Variants in CNTN4 observed in about 807,000 individuals in gnomAD.
CNTN4 encodes the protein contactin-4.
Under a neutral mutation model 122.5 loss-of-function variants are expected in CNTN4, and 77 were observed. The ratio of observed to expected loss-of-function variants is 0.63; its 90% CI spans 0.52 to 0.76. The LOEUF is 0.76. Ranked by LOEUF, CNTN4 falls within the 30% of genes least tolerant of loss-of-function variation. The probability of loss-of-function intolerance (pLI) is 0.00; values close to 1 mark genes in which losing one functional copy is unlikely to be tolerated. For synonymous variants in CNTN4, 512 were observed against 447.0 expected (o/e 1.15, Z -1.83); for missense variants, 1,256 against 1,259.1 (o/e 1.00, Z 0.04).
At chr3:2,435,092 G>C (rs1434142835) in intron 3 of CNTN4, among the ~76,000 whole-genome samples, 1 of 152,122 alleles carries the variant, frequency 6.6e-6, no homozygotes, top group African/African-American at 2.4e-5. Context: ...AAGTCAAAGA[G>C]CTTAATACTA....
chr3:2,188,843 G>A (rs1228333478), intron 2 of CNTN4, among the ~76,000 whole-genome samples: 1 of 152,122 alleles, frequency 6.6e-6, no homozygotes, highest in African/African-American at 2.4e-5. Context: ...AGACTCTGTT[G>A]GGGAACAGCT....
intron 2 of CNTN4, among the ~76,000 whole-genome samples, chr3:2,140,492 C>A (rs563341719): frequency 6.6e-6 from 1 of 152,176 alleles, no homozygotes; most frequent in African/African-American, 2.4e-5. Flanking sequence ...TTGGTGAGGG[C>A]CCACTTCCTG....
At chr3:2,438,245 C>T (rs376234548) in intron 3 of CNTN4, among the ~76,000 whole-genome samples, 17 of 152,150 alleles carry the variant, frequency 1.1e-4, no homozygotes, top group African/African-American at 4.1e-4. Context: ...TTTGGCTGGG[C>T]ACGGTTGCTC....
intron 5 of CNTN4, among the ~76,000 whole-genome samples, chr3:2,745,281 A>G (rs943305600): frequency 6.6e-6 from 1 of 152,182 alleles, no homozygotes; most frequent in Non-Finnish European, 1.5e-5. Flanking sequence ...AGTCAGAAGA[A>G]CATTTTAATG....
intron 3 of CNTN4, among the ~76,000 whole-genome samples, chr3:2,562,923 C>A (rs899605826): frequency 6.6e-6 from 1 of 151,770 alleles, no homozygotes; most frequent in Non-Finnish European, 1.5e-5. Context: ...AGATGGTATC[C>A]CCCTGTGTTG....
rs192405502 is a variant in CNTN4, at chr3:2,145,052, G to A, written c.-145+44413G>A. Among the ~76,000 whole-genome samples, 224 of 152,300 alleles carry A rather than the reference G, an allele frequency of 1.5e-3. 2 individuals are homozygous for A. Among genetic ancestry groups the A allele is most frequent in the African/African-American group, 5.0e-3 (207 of 41,572 alleles). ...TCTCAACAGAGTAGATGTTCAGGTG[G>A]AGGTTATCTCTGGTGCTCTGGGCTT... is the stretch of plus-strand genomic sequence containing the variant. On this transcript the variant is annotated intron_variant, in intron 2 of 24. Transcript: ENST00000418658.
At chr3:2,175,410 G>A (rs1310796287) in intron 2 of CNTN4, among the ~76,000 whole-genome samples, 2 of 152,144 alleles carry the variant, frequency 1.3e-5, no homozygotes, top group African/African-American at 2.4e-5. Flanking sequence ...AAAAAAGTCT[G>A]AGAAATTCTG....
chr3:2,282,300 A>G (rs1399709697), intron 2 of CNTN4, among the ~76,000 whole-genome samples: 1 of 152,058 alleles, frequency 6.6e-6, no homozygotes, highest in Non-Finnish European at 1.5e-5. Flanking sequence ...GATTGGTCGT[A>G]GTTCCATTTT....
intron 6 of CNTN4, among the ~76,000 whole-genome samples, chr3:2,819,063 C>T (rs959740437): frequency 3.3e-5 from 5 of 152,258 alleles, no homozygotes; most frequent in East Asian, 1.9e-4. Context: ...GGGCAGGTCA[C>T]TTAACATCTT....
chr3:2,260,688 TTTAAG>T (rs1275522596), intron 2 of CNTN4, among the ~76,000 whole-genome samples: 1 of 151,688 alleles, frequency 6.6e-6, no homozygotes, highest in Non-Finnish European at 1.5e-5. Context: ...CCATTACAGA[TTTAAG>T]TTTTCTTTTC....
intron 4 of CNTN4, among the ~76,000 whole-genome samples, chr3:2,638,723 C>T (rs2082772966): frequency 6.6e-6 from 1 of 152,148 alleles, no homozygotes; most frequent in Non-Finnish European, 1.5e-5. Context: ...GACCTGACCT[C>T]CTCTTTTTCT....
At chr3:2,929,200 C>G (rs1211141981) in intron 13 of CNTN4, among the ~76,000 whole-genome samples, 2 of 152,162 alleles carry the variant, frequency 1.3e-5, no homozygotes, top group African/African-American at 2.4e-5. Context: ...TCACACAGCT[C>G]AAGAGCTTTA....
chr3:2,620,786 C>T (rs938151108), intron 4 of CNTN4, among the ~76,000 whole-genome samples: 2 of 152,138 alleles, frequency 1.3e-5, no homozygotes, highest in Admixed American at 1.3e-4. Flanking sequence ...TACAGCCCCC[C>T]TCCTGTGTAA....
chr3:2,111,231 G>A (rs1215659563), intron 2 of CNTN4, among the ~76,000 whole-genome samples: 1 of 152,124 alleles, frequency 6.6e-6, no homozygotes, highest in African/African-American at 2.4e-5. Flanking sequence ...AGTTCATTGA[G>A]AATTCATAGT....
intron 2 of CNTN4, among the ~76,000 whole-genome samples, chr3:2,248,829 C>T (rs6805903): frequency 0.081 from 12,254 of 151,878 alleles, 802 homozygotes; most frequent in African/African-American, 0.18. Context: ...TGTTTATATT[C>T]GTGTGGGCTT....
chr3:2,585,134 T>C (rs929589625), intron 4 of CNTN4, among the ~76,000 whole-genome samples: 4 of 152,192 alleles, frequency 2.6e-5, no homozygotes, highest in Non-Finnish European at 5.9e-5. Context: ...GACTTAAAAG[T>C]CCTAAGCAAA....
intron 3 of CNTN4, among the ~76,000 whole-genome samples, chr3:2,467,001 C>G (rs1384551411): frequency 7.3e-6 from 1 of 136,392 alleles, no homozygotes; most frequent in African/African-American, 2.9e-5. Flanking sequence ...TTTCCAGCTG[C>G]CAAAGTGCTG....
At chr3:2,256,567 G>A (rs1411465238) in intron 2 of CNTN4, among the ~76,000 whole-genome samples, 2 of 152,144 alleles carry the variant, frequency 1.3e-5, no homozygotes, top group African/African-American at 4.8e-5. Flanking sequence ...ACCGAATCCA[G>A]CAGCACATCA....
At chr3:2,543,386 T>C (rs1310565936) in intron 3 of CNTN4, among the ~76,000 whole-genome samples, 1 of 152,066 alleles carries the variant, frequency 6.6e-6, no homozygotes, top group East Asian at 1.9e-4. Context: ...GGAGAGGCAG[T>C]TGTGGGAGTC....
Sources: allele counts gnomAD v4.1 joint callset (sites outside exome capture counted in the v4.1 genomes callset), GRCh38; gene constraint gnomAD v4.1.1; transcripts MANE v1.5; gene names NCBI Gene and HGNC (gene_info 2026-07-23, HGNC 2026-07-21).